Variants in ERBB4 observed in about 807,000 individuals in gnomAD.
ERBB4 encodes the protein erb-b2 receptor tyrosine kinase 4.
A neutral mutation model predicts 158.0 loss-of-function variants in ERBB4; 42 were observed. The ratio of observed to expected loss-of-function variants is 0.27; its 90% CI spans 0.21 to 0.34. The LOEUF is 0.34. Among genes scored for constraint, ERBB4 ranks in the 10% least tolerant of loss-of-function variants. The pLI is 1.00. For missense variants in ERBB4, 1,333 were observed against 1,624.1 expected, an observed-to-expected ratio of 0.82 and a Z score of 3.08; for synonymous variants, 583 against 558.7, an observed-to-expected ratio of 1.04 and a Z score of -0.61.
rs1011306900 is a variant in ERBB4, at chr2:211,436,620, C to T, written c.2488-5520G>A. Among the ~76,000 whole-genome samples the T allele has an allele frequency of 5.3e-5, 8 of 152,284 alleles. No individual in the cohort carries two copies. The South Asian group carries it at 1.4e-3, about 28-fold the overall frequency. ...TAGCTATCAACAATCCTAGAATGCA[C>T]AAGAATTACTTACCCTCCTTAACTT... On this transcript the variant is annotated intron_variant, in intron 20 of 27. Coordinates refer to ENST00000342788, the MANE Select transcript of ERBB4 (RefSeq NM_005235.3).
intron 1 of ERBB4, among the ~76,000 whole-genome samples, chr2:212,323,735 G>A (rs747368295): frequency 1.7e-4 from 25 of 150,486 alleles, no homozygotes; most frequent in Middle Eastern, 3.4e-3. Context: ...TTAGAATATC[G>A]GTTATTTATC....
chr2:212,005,177 C>T (rs769635081), intron 2 of ERBB4, among the ~76,000 whole-genome samples: 3 of 151,940 alleles, frequency 2.0e-5, no homozygotes, highest in African/African-American at 4.8e-5. Flanking sequence ...AAAAGATTTA[C>T]GAAGCAGGAA....
chr2:211,393,314 T>C (rs2062842151), intron 25 of ERBB4, among the ~76,000 whole-genome samples: 1 of 152,162 alleles, frequency 6.6e-6, no homozygotes, highest in Admixed American at 6.5e-5. Context: ...GTAAGGTAAA[T>C]AGCATTATTA....
intron 3 of ERBB4, among the ~76,000 whole-genome samples, chr2:211,853,208 G>A (rs1392930972): frequency 6.6e-6 from 1 of 151,754 alleles, no homozygotes; most frequent in African/African-American, 2.4e-5. Flanking sequence ...GCATAATTGT[G>A]TGAAAGAGAC....
intron 1 of ERBB4, among the ~76,000 whole-genome samples, chr2:212,207,300 A>C (rs1483085999): frequency 1.3e-5 from 2 of 152,204 alleles, no homozygotes; most frequent in Non-Finnish European, 2.9e-5. Flanking sequence ...AGTGGAGTCA[A>C]TATAAGCAAT....
intron 16 of ERBB4, among the ~76,000 whole-genome samples, chr2:211,647,347 GTCTC>G (rs1022307077): frequency 6.6e-6 from 1 of 151,286 alleles, no homozygotes; most frequent in Non-Finnish European, 1.5e-5. Flanking sequence ...CTATTTCCCA[GTCTC>G]TCTCTCTTCT....
chr2:211,555,288 C>T (rs1171426515), intron 20 of ERBB4, among the ~76,000 whole-genome samples: 1 of 152,086 alleles, frequency 6.6e-6, no homozygotes. Flanking sequence ...CAGGTTCAAG[C>T]GATTCTCCTG....
intron 1 of ERBB4, among the ~76,000 whole-genome samples, chr2:212,130,469 G>A (rs1311631330): frequency 6.6e-6 from 1 of 151,994 alleles, no homozygotes; most frequent in African/African-American, 2.4e-5. Flanking sequence ...AACATAAAAA[G>A]GTTGGTTAAC....
intron 2 of ERBB4, among the ~76,000 whole-genome samples, chr2:212,025,026 C>T (rs896802649): frequency 6.6e-6 from 1 of 151,670 alleles, no homozygotes; most frequent in Non-Finnish European, 1.5e-5. Context: ...TAAACATGTA[C>T]CATTAATGTA....
At chr2:212,280,718 A>C (rs1386271481) in intron 1 of ERBB4, among the ~76,000 whole-genome samples, 1 of 151,694 alleles carries the variant, frequency 6.6e-6, no homozygotes, top group East Asian at 1.9e-4. Context: ...AATCATTGGC[A>C]GAAAGAAGCA....
chr2:211,640,454 G>A (rs1038607610), intron 16 of ERBB4, among the ~76,000 whole-genome samples: 5 of 152,120 alleles, frequency 3.3e-5, no homozygotes, highest in Non-Finnish European at 7.4e-5. Flanking sequence ...CAGGATTAAT[G>A]AACAAAGCTC....
intron 19 of ERBB4, among the ~76,000 whole-genome samples, chr2:211,574,503 G>T (rs577689786): frequency 6.6e-6 from 1 of 152,246 alleles, no homozygotes; most frequent in South Asian, 2.1e-4. Flanking sequence ...TTAGGCATAG[G>T]CAGTTTACAG....
At chr2:212,071,888 T>G (rs961646821) in intron 2 of ERBB4, among the ~76,000 whole-genome samples, 1 of 152,038 alleles carries the variant, frequency 6.6e-6, no homozygotes, top group Non-Finnish European at 1.5e-5. Context: ...AGATGTCTAC[T>G]GCAGTCTTAC....
intron 20 of ERBB4, among the ~76,000 whole-genome samples, chr2:211,545,123 C>A (rs10932384): frequency 0.64 from 97,218 of 151,898 alleles, 31,638 homozygotes; most frequent in African/African-American, 0.75. Context: ...TTTCAGGCTG[C>A]TGTTGTGACT....
intron 1 of ERBB4, among the ~76,000 whole-genome samples, chr2:212,441,690 G>GT (rs2092257083): frequency 6.9e-6 from 1 of 144,724 alleles, no homozygotes; most frequent in Admixed American, 6.7e-5. Flanking sequence ...AGCTTGGGGA[G>GT]TTAAAAAAAA....
rs199975637 is a variant in ERBB4 at position 211,471,389 on chromosome 2, T to C, written c.2488-40289A>G. ...AAATTGTGCAGTGTATTGCTTCTCA[T>C]CAACAGGAAACTAAATCTGAATTAA... On this transcript the variant is annotated intron_variant, in intron 20 of 27. Transcript: ENST00000342788. Among the ~76,000 whole-genome samples, 38 of 152,204 alleles carry C rather than the reference T, an allele frequency of 2.5e-4. No individual in the cohort carries two copies. The East Asian group carries it at 7.2e-3, about 29-fold the overall frequency.
chr2:211,940,018 T>G (rs73077389), intron 3 of ERBB4, among the ~76,000 whole-genome samples: 6,336 of 151,396 alleles, frequency 0.042, 155 homozygotes, highest in African/African-American at 0.051. Flanking sequence ...GAGATAGATA[T>G]AGATTTGGTT....
At chr2:212,384,986 C>T (rs1280683024) in intron 1 of ERBB4, among the ~76,000 whole-genome samples, 2 of 148,562 alleles carry the variant, frequency 1.3e-5, no homozygotes, top group Non-Finnish European at 3.0e-5. Flanking sequence ...ACAAGGTGTT[C>T]CACAATATAT....
chr2:212,363,766 A>G (rs762848454), intron 1 of ERBB4, among the ~76,000 whole-genome samples: 3 of 151,714 alleles, frequency 2.0e-5, no homozygotes, highest in Non-Finnish European at 4.4e-5. Context: ...GATTTACACT[A>G]CTTCACAATT....
Sources: allele counts gnomAD v4.1 joint callset (sites outside exome capture counted in the v4.1 genomes callset), GRCh38; gene constraint gnomAD v4.1.1; transcripts MANE v1.5; gene names NCBI Gene and HGNC (gene_info 2026-07-23, HGNC 2026-07-21).